The following GSE1 variants were observed in gnomAD, a reference collection of about 807,000 sequenced individuals.
The protein encoded by GSE1 is genetic suppressor element 1.
A neutral mutation model predicts 112.6 loss-of-function variants in GSE1; 32 were observed. The observed-to-expected ratio is 0.28, with a 90% CI of 0.21 to 0.38. GSE1 has a LOEUF of 0.38. GSE1 is among the 10% of genes least tolerant of loss of function. The pLI is 1.00. For synonymous variants in GSE1, 1,115 were observed against 735.6 expected (o/e 1.52, Z -8.35); for missense variants, 2,348 against 1,699.2 (o/e 1.38, Z -6.71).
At position 85,284,361 on chromosome 16, in the gene GSE1, GC is replaced by G. The variant is rs2044950843; in HGVS notation, c.2284-73100del. Among the ~76,000 whole-genome samples, 4 of 152,322 alleles carry G rather than the reference GC, an allele frequency of 2.6e-5. No individual in the cohort carries two copies. The South Asian group carries it at 8.3e-4, about 32-fold the overall frequency. ...AAGAGAGAGAGGTCTCCCGGCGGGGGCCGGGCGCGAGAGCCTCTGCTTCCAT... is the reference window on the plus strand; with the variant it reads ...AAGAGAGAGAGGTCTCCCGGCGGGGGCGGGCGCGAGAGCCTCTGCTTCCAT... On this transcript the variant is annotated intron_variant, in intron 1 of 2. Transcript: ENST00000637419.
chr16:85,627,612 G>C (rs11865219), intron 1 of GSE1, among the ~76,000 whole-genome samples: 1 of 152,086 alleles, frequency 6.6e-6, no homozygotes, highest in African/African-American at 2.4e-5. Context: ...CCCCTGGCTC[G>C]TTTTCGCCTG....
intron 1 of GSE1, among the ~76,000 whole-genome samples, chr16:85,327,795 G>T (rs972399182): frequency 1.3e-5 from 2 of 152,154 alleles, no homozygotes; most frequent in African/African-American, 4.8e-5. Context: ...CCATTTTACG[G>T]ATCAGCAAAA....
At chr16:85,612,951 G>C (rs1336229569), upstream of GSE1, among the ~76,000 whole-genome samples, 3 of 152,222 alleles carry the variant, frequency 2.0e-5, no homozygotes, top group Non-Finnish European at 4.4e-5. Flanking sequence ...AGCCACCAAG[G>C]TCCCCGGGAC....
At chr16:85,552,935 G>A (rs1462345167), upstream of GSE1, among the ~76,000 whole-genome samples, 2 of 152,380 alleles carry the variant, frequency 1.3e-5, no homozygotes, top group Admixed American at 6.5e-5. Context: ...CATATACAGT[G>A]GAGGAAGGTT....
intron 1 of GSE1, among the ~76,000 whole-genome samples, chr16:85,572,259 CCACA>C (rs970462392): frequency 6.9e-6 from 1 of 144,596 alleles, no homozygotes; most frequent in Non-Finnish European, 1.5e-5. Context: ...CCACACACAA[CCACA>C]CACACACCAA....
In GSE1 at chr16:85,242,821, T is replaced by A. The variant is rs34652348; in HGVS notation, c.2283+71014T>A. Among the ~76,000 whole-genome samples, 1,406 of 152,292 alleles carry A rather than the reference T, an allele frequency of 9.2e-3. 10 individuals carry two copies. The highest frequency in any genetic ancestry group is 0.022 in the South Asian group (104 of 4,822). On this transcript the variant is annotated intron_variant, in intron 1 of 2. Transcript: ENST00000637419. Reference sequence around the variant, plus strand: ...TTTAATTAAATTAAATTAATTAATTTATTTATTTGAGACAAGGTCTTGCTC... The same window carrying A: ...TTTAATTAAATTAAATTAATTAATTAATTTATTTGAGACAAGGTCTTGCTC...
At chr16:85,429,133 C>T (rs1227553750) in intron 2 of GSE1, among the ~76,000 whole-genome samples, 1 of 152,228 alleles carries the variant, frequency 6.6e-6, no homozygotes, top group African/African-American at 2.4e-5. Flanking sequence ...TCATCACAAG[C>T]ACATGCAACA....
At position 85,618,153 on chromosome 16, in the gene GSE1, G is replaced by T. The variant is rs1025320548; in HGVS notation, c.7+4755G>T. Among the ~76,000 whole-genome samples, 3 of 152,112 alleles carry T rather than the reference G, an allele frequency of 2.0e-5. No homozygotes were observed. In the South Asian group the frequency reaches 6.2e-4, roughly 32 times the overall value. On this transcript the variant is annotated intron_variant, in intron 1 of 15. Coordinates refer to ENST00000253458, the MANE Select transcript of GSE1 (RefSeq NM_014615.5). The stretch of plus-strand genomic sequence containing the variant: ...GGTTCCTCCAGCTGGAGGACTTGAC[G>T]TGTCTGAGGAGGTGTGTGTAATAGT...
At chr16:85,357,502 C>G in exon 2 of GSE1, 2 of 1,257,210 alleles carry the variant, frequency 1.6e-6, no homozygotes, top group South Asian at 2.6e-5. Context: ...AGCCAGCCAC[C>G]CTCCCACCCG....
chr16:85,415,168 G>A lies in GSE1; in HGVS notation c.2464+57525G>A, dbSNP rs553074611. 6.6e-5 allele frequency among the ~76,000 whole-genome samples: 10 copies of A among 152,256 alleles called. No individual in the cohort carries two copies. The South Asian group carries it at 1.9e-3, about 28-fold the overall frequency. ...TTGCCCAGACTGGTCTTGAACCCCC[G>A]TACTCAAACGATTCTCCCACCTTGG... On this transcript the variant is annotated intron_variant, in intron 2 of 2. Coordinates refer to the GSE1 transcript ENST00000637419.
At position 85,205,753 on chromosome 16, in the gene GSE1, C is replaced by T. The variant is rs1256066077; in HGVS notation, c.2283+33946C>T. ...CTGCCTTGTGGGGAGCTCTGGGGAGCGGGACCCAGGGGCCCATCTGTGAAA... is the reference window on the plus strand; with the variant it reads ...CTGCCTTGTGGGGAGCTCTGGGGAGTGGGACCCAGGGGCCCATCTGTGAAA... On this transcript the variant is annotated intron_variant, in intron 1 of 2. Transcript: ENST00000637419. Among the ~76,000 whole-genome samples, 5 of 152,268 alleles carry T rather than the reference C, an allele frequency of 3.3e-5. No homozygotes were observed. In the South Asian group the frequency reaches 6.2e-4, roughly 19 times the overall value.
At position 85,632,218 on chromosome 16, in the gene GSE1, G is replaced by A. The variant is rs565611777; in HGVS notation, c.8-1696G>A. Among the ~76,000 whole-genome samples the A allele has an allele frequency of 2.7e-4, 41 of 152,348 alleles. No homozygotes were observed. In the South Asian group the frequency reaches 5.8e-3, roughly 22 times the overall value. On this transcript the variant is annotated intron_variant, in intron 1 of 15. Coordinates refer to ENST00000253458, the MANE Select transcript of GSE1 (RefSeq NM_014615.5). The stretch of plus-strand genomic sequence containing the variant: ...GGTGGGGCCCGCTGCTGCAGGGCAC[G>A]GCCACGGCGCCACCTGGCTGTTGCC...
chr16:85,359,407 C>G, intron 2 of GSE1: 1 of 456,042 alleles, frequency 2.2e-6, no homozygotes, highest in Non-Finnish European at 4.4e-6. Flanking sequence ...CAGATGGACC[C>G]CTAGGCGGAG....
intron 1 of GSE1, among the ~76,000 whole-genome samples, chr16:85,333,824 C>T (rs190401579): frequency 3.3e-3 from 505 of 152,276 alleles, no homozygotes; most frequent in Middle Eastern, 0.014. Context: ...CAAGCTGCAG[C>T]CTCCTCCTCC....
Position 85,434,238 on chromosome 16 carries a change from C to T in GSE1, c.2464+76595C>T, listed in dbSNP as rs532312614. Among the ~76,000 whole-genome samples, 96 of 152,046 alleles carry T rather than the reference C, an allele frequency of 6.3e-4. 1 individual carries two copies. Among genetic ancestry groups the T allele is most frequent in the African/African-American group, 2.1e-3 (85 of 41,420 alleles). On this transcript the variant is annotated intron_variant, in intron 2 of 2. Coordinates refer to the GSE1 transcript ENST00000637419. ...GTGACATACTAAGGGTCCCAAGGAA[C>T]GCCTTACAGCCCCTCCTGCCCCATG...
At chr16:85,434,030 C>T (rs976350450) in intron 2 of GSE1, among the ~76,000 whole-genome samples, 2 of 152,140 alleles carry the variant, frequency 1.3e-5, no homozygotes, top group African/African-American at 4.8e-5. Context: ...CAACCCAAAC[C>T]TGAGGGCCTG....
At chr16:85,236,565 G>T (rs1036158507) in intron 1 of GSE1, among the ~76,000 whole-genome samples, 1 of 152,154 alleles carries the variant, frequency 6.6e-6, no homozygotes, top group African/African-American at 2.4e-5. Flanking sequence ...TGTGGAGAGA[G>T]AACAGTGTGT....
intron 1 of GSE1, among the ~76,000 whole-genome samples, chr16:85,316,600 G>A (rs892224945): frequency 2.0e-5 from 3 of 152,212 alleles, no homozygotes; most frequent in South Asian, 4.1e-4. Flanking sequence ...GGCCAGTAGG[G>A]GGCAGTGGAG....
intron 1 of GSE1, among the ~76,000 whole-genome samples, chr16:85,188,530 G>A (rs2143412008): frequency 6.6e-6 from 1 of 152,210 alleles, no homozygotes; most frequent in Middle Eastern, 3.4e-3. Flanking sequence ...AGAGCTAGGG[G>A]AGGCCAGGCA....
Sources: gnomAD v4.1 joint callset for allele counts (sites outside exome capture counted in the v4.1 genomes callset) on GRCh38, gnomAD v4.1.1 for gene constraint, MANE v1.5 for transcripts, NCBI Gene and HGNC (gene_info 2026-07-23, HGNC 2026-07-21) for gene names.